Variants in IDO2 observed in about 807,000 individuals in gnomAD.
IDO2 encodes the protein indoleamine 2,3-dioxygenase 2.
Under a neutral mutation model 45.1 loss-of-function variants are expected in IDO2, and 46 were observed. The observed-to-expected ratio is 1.02, with a 90% CI of 0.80 to 1.30. IDO2 has a LOEUF of 1.30. Among genes scored for constraint, IDO2 ranks in the 50% most tolerant of loss-of-function variants. IDO2 has a pLI of 0.00. For missense variants in IDO2, 544 were observed against 491.8 expected, an observed-to-expected ratio of 1.11 and a Z score of -1.00; for synonymous variants, 218 against 184.9, an observed-to-expected ratio of 1.18 and a Z score of -1.45.
intron 8 of IDO2, among the ~76,000 whole-genome samples, chr8:40,000,540 G>C (rs950618075): frequency 6.6e-6 from 1 of 152,060 alleles, no homozygotes; most frequent in Non-Finnish European, 1.5e-5. Flanking sequence ...ATTTCACTAA[G>C]GGTCATTCAC....
At chr8:39,946,320 A>G (rs909487990) in intron 1 of IDO2, among the ~76,000 whole-genome samples, 2 of 151,636 alleles carry the variant, frequency 1.3e-5, no homozygotes, top group African/African-American at 2.4e-5. Flanking sequence ...GTCCTTAAAA[A>G]CTCTGCTCCC....
chr8:39,954,174 C>A (rs1807854189), intron 2 of IDO2, among the ~76,000 whole-genome samples: 2 of 152,212 alleles, frequency 1.3e-5, no homozygotes. Flanking sequence ...ACTCTCCACT[C>A]CTAGACATTA....
At chr8:39,957,819 T>G (rs985159303) in intron 2 of IDO2, among the ~76,000 whole-genome samples, 9 of 152,306 alleles carry the variant, frequency 5.9e-5, no homozygotes, top group African/African-American at 2.2e-4. Flanking sequence ...AATTCTAATC[T>G]TTCTGATAGT....
intron 10 of IDO2, 51 bp downstream of exon 10, chr8:40,013,764 G>T: frequency 2.5e-6 from 3 of 1,178,346 alleles, no homozygotes; most frequent in East Asian, 3.0e-5. Context: ...GAAGAGGAGA[G>T]GTGTTTTTTT....
At position 39,989,912 on chromosome 8, in the gene IDO2, A is replaced by G. The variant is rs112787805; in HGVS notation, c.667+74A>G. On this transcript the variant is annotated intron_variant, in intron 8 of 10. Coordinates refer to ENST00000502986, the Ensembl canonical transcript of IDO2. ...CTGCTTAGGGGAAGAGGGCCTGGGGACCAGGCATGTCCTGAAGGGGGTGAT... is the reference window on the plus strand; with the variant it reads ...CTGCTTAGGGGAAGAGGGCCTGGGGGCCAGGCATGTCCTGAAGGGGGTGAT... 22 of 919,014 alleles carry G rather than the reference A, an allele frequency of 2.4e-5. No individual in the cohort carries two copies. The African/African-American group carries it at 2.5e-4, about 10-fold the overall frequency. 56.9% of individuals were successfully genotyped at this position (919,014 alleles called of 1,614,324 possible).
intron 1 of IDO2, among the ~76,000 whole-genome samples, chr8:39,935,902 TTAAC>T (rs529575721): frequency 6.6e-6 from 1 of 152,216 alleles, no homozygotes; most frequent in African/African-American, 2.4e-5. Flanking sequence ...TATACCTTCT[TTAAC>T]TATGTGCAAG....
At chr8:39,994,008 A>C (rs559265731) in intron 8 of IDO2, among the ~76,000 whole-genome samples, 27 of 152,266 alleles carry the variant, frequency 1.8e-4, no homozygotes, top group South Asian at 4.2e-4. Flanking sequence ...CTCTGTCCCC[A>C]AAAAAATAAA....
chr8:39,980,056 T>A (rs1563433564), intron 4 of IDO2, among the ~76,000 whole-genome samples: 2 of 152,082 alleles, frequency 1.3e-5, no homozygotes, highest in African/African-American at 4.8e-5. Context: ...ACTCCTGGCC[T>A]CAAGTGATCC....
At chr8:39,971,062 C>T (rs1248180387) in intron 3 of IDO2, among the ~76,000 whole-genome samples, 1 of 152,144 alleles carries the variant, frequency 6.6e-6, no homozygotes, top group Non-Finnish European at 1.5e-5. Context: ...CTGCGCCCGG[C>T]CCAGGACTTT....
chr8:39,984,317 A>G (rs1207809185), intron 5 of IDO2, among the ~76,000 whole-genome samples: 1 of 152,198 alleles, frequency 6.6e-6, no homozygotes, highest in Non-Finnish European at 1.5e-5. Flanking sequence ...TCTACTAAAA[A>G]TACAAAAATT....
intron 3 of IDO2, among the ~76,000 whole-genome samples, chr8:39,974,501 G>A (rs950370331): frequency 6.6e-6 from 1 of 152,200 alleles, no homozygotes; most frequent in Non-Finnish European, 1.5e-5. Flanking sequence ...AATTTTCTAG[G>A]GCCCGGCACG....
At chr8:39,992,744 G>C (rs1361217080) in intron 8 of IDO2, among the ~76,000 whole-genome samples, 1 of 152,130 alleles carries the variant, frequency 6.6e-6, no homozygotes, top group Non-Finnish European at 1.5e-5. Context: ...CCCCAAAATG[G>C]AGCGTACCAA....
intron 3 of IDO2, among the ~76,000 whole-genome samples, chr8:39,972,718 G>A (rs1808198170): frequency 6.8e-6 from 1 of 147,646 alleles, no homozygotes; most frequent in African/African-American, 2.5e-5. Context: ...GTCAATTGAT[G>A]TGGCAAACCG....
At chr8:40,006,729 T>A (rs1802228093) in intron 9 of IDO2, among the ~76,000 whole-genome samples, 2 of 151,972 alleles carry the variant, frequency 1.3e-5, no homozygotes, top group Non-Finnish European at 1.5e-5. Flanking sequence ...GGTGCCATCT[T>A]GGCTCACGGC....
Position 39,949,129 on chromosome 8 carries a change from C to T in IDO2, c.-17-20C>T. 6.3e-7 allele frequency: 1 copy of T among 1,581,006 alleles called. No homozygotes were observed. Among genetic ancestry groups the T allele is most frequent in the Non-Finnish European group, 8.6e-7 (1 of 1,162,054 alleles). On this transcript the variant is annotated intron_variant, in intron 1 of 10. Coordinates refer to ENST00000502986, the Ensembl canonical transcript of IDO2. The stretch of plus-strand genomic sequence containing the variant: ...AATTTATTAGGAACAATTGATTCTT[C>T]AGTGACACTTTCCATGCAGATACTT...
intron 9 of IDO2, among the ~76,000 whole-genome samples, chr8:40,012,843 G>C (rs532244254): frequency 1.3e-5 from 2 of 152,284 alleles, no homozygotes; most frequent in East Asian, 3.9e-4. Flanking sequence ...GCATGTCCCT[G>C]ACTTCAGCCT....
intron 1 of IDO2, among the ~76,000 whole-genome samples, chr8:39,937,724 T>C (rs1017328390): frequency 2.0e-5 from 3 of 152,114 alleles, no homozygotes; most frequent in African/African-American, 7.2e-5. Flanking sequence ...TCTGGCTACG[T>C]TGCCCAGGCT....
chr8:39,982,811 C>A, intron 5 of IDO2, 41 bp downstream of exon 5: 1 of 1,254,898 alleles, frequency 8.0e-7, no homozygotes, highest in Non-Finnish European at 1.1e-6. Context: ...CATAACTTTC[C>A]CCCAGGAAAC....
intron 8 of IDO2, among the ~76,000 whole-genome samples, chr8:40,002,732 ATCATGCCACTGTAC>A (rs1802158680): frequency 6.6e-6 from 1 of 152,092 alleles, no homozygotes; most frequent in Non-Finnish European, 1.5e-5. Context: ...GTGAGCCGCG[ATCATGCCACTGTAC>A]TCCAGCCTGG....
Sources: allele counts gnomAD v4.1 joint callset (sites outside exome capture counted in the v4.1 genomes callset), GRCh38; gene constraint gnomAD v4.1.1; transcripts MANE v1.5; gene names NCBI Gene and HGNC (gene_info 2026-07-23, HGNC 2026-07-21).